AGBL4: variants seen among roughly 807,000 people sequenced by gnomAD.
AGBL4 encodes the protein AGBL carboxypeptidase 4, also known as cytosolic carboxypeptidase 6.
In AGBL4, 58 loss-of-function variants were observed where a neutral mutation model predicts 66.4. That is an observed-to-expected ratio of 0.87 (90% CI 0.71 to 1.09). AGBL4 has a LOEUF of 1.09. Ranked by LOEUF, AGBL4 falls within the 50% of genes least tolerant of loss-of-function variation. The probability of loss-of-function intolerance (pLI) is 0.00; values close to 1 mark genes in which losing one functional copy is unlikely to be tolerated. For synonymous variants in AGBL4, 234 were observed against 222.9 expected (o/e 1.05, Z -0.44); for missense variants, 579 against 631.0 (o/e 0.92, Z 0.88).
At chr1:48,592,788 GC>G (rs1186092852) in intron 9 of AGBL4, among the ~76,000 whole-genome samples, 1 of 152,104 alleles carries the variant, frequency 6.6e-6, no homozygotes, top group Non-Finnish European at 1.5e-5. Context: ...GAGGTTGCTT[GC>G]TTAAGGTTGG....
At chr1:49,950,965 A>G (rs558054700) in intron 1 of AGBL4, among the ~76,000 whole-genome samples, 1 of 152,010 alleles carries the variant, frequency 6.6e-6, no homozygotes, top group South Asian at 2.1e-4. Context: ...CATTATGATA[A>G]ATGGAATAAG....
chr1:48,661,808 T>G (rs538987005), intron 7 of AGBL4, among the ~76,000 whole-genome samples: 2 of 152,140 alleles, frequency 1.3e-5, no homozygotes, highest in Non-Finnish European at 2.9e-5. Context: ...GACAAAGCAG[T>G]TACATCCAAT....
chr1:48,835,037 A>G (rs1192675571), intron 6 of AGBL4, among the ~76,000 whole-genome samples: 2 of 152,190 alleles, frequency 1.3e-5, no homozygotes, highest in Non-Finnish European at 2.9e-5. Flanking sequence ...ATAGCTGTCT[A>G]TCATAGACCC....
At chr1:49,372,841 C>G (rs1192610276) in intron 3 of AGBL4, among the ~76,000 whole-genome samples, 2 of 151,756 alleles carry the variant, frequency 1.3e-5, no homozygotes, top group African/African-American at 4.8e-5. Flanking sequence ...TCACTGAAGC[C>G]TCAACCTCCT....
At chr1:49,380,009 G>C (rs535714591) in intron 3 of AGBL4, among the ~76,000 whole-genome samples, 98 of 152,152 alleles carry the variant, frequency 6.4e-4, no homozygotes, top group African/African-American at 2.1e-3. Flanking sequence ...AGGGAAATTA[G>C]GCAGGAGAAG....
chr1:49,203,970 C>G (rs1162469158), intron 4 of AGBL4, among the ~76,000 whole-genome samples: 1 of 152,156 alleles, frequency 6.6e-6, no homozygotes, highest in Non-Finnish European at 1.5e-5. Context: ...GAAACACTCA[C>G]TATATGTCAG....
intron 2 of AGBL4, among the ~76,000 whole-genome samples, chr1:49,774,342 G>A (rs1644142419): frequency 6.6e-6 from 1 of 152,170 alleles, no homozygotes; most frequent in East Asian, 1.9e-4. Context: ...GAGGCAGGAT[G>A]ATTTGCTCCA....
intron 3 of AGBL4, among the ~76,000 whole-genome samples, chr1:49,536,135 ACT>A (rs1651563872): frequency 6.6e-6 from 1 of 152,222 alleles, no homozygotes; most frequent in Admixed American, 6.5e-5. Flanking sequence ...GAATATTTCT[ACT>A]CTGAGTTCCT....
intron 1 of AGBL4, among the ~76,000 whole-genome samples, chr1:49,989,788 C>T (rs1450256898): frequency 1.3e-5 from 2 of 152,240 alleles, no homozygotes; most frequent in Non-Finnish European, 1.5e-5. Flanking sequence ...TGCTGAAATG[C>T]TCCAGAAATT....
At chr1:48,627,813 G>A (rs1357469173) in intron 9 of AGBL4, among the ~76,000 whole-genome samples, 3 of 152,084 alleles carry the variant, frequency 2.0e-5, no homozygotes, top group Non-Finnish European at 4.4e-5. Context: ...GCAACTTTGG[G>A]TTCTGAGGGA....
intron 4 of AGBL4, among the ~76,000 whole-genome samples, chr1:49,108,760 C>A (rs561378760): frequency 6.6e-6 from 1 of 152,278 alleles, no homozygotes; most frequent in Admixed American, 6.5e-5. Flanking sequence ...GTGCCACCTG[C>A]CAGCAGGAGA....
intron 6 of AGBL4, among the ~76,000 whole-genome samples, chr1:48,775,150 C>T (rs1645014329): frequency 6.6e-6 from 1 of 152,200 alleles, no homozygotes; most frequent in African/African-American, 2.4e-5. Context: ...CTTCCCCTCC[C>T]TCAGTTTCTT....
At chr1:49,297,432 C>G (rs963849015) in intron 3 of AGBL4, among the ~76,000 whole-genome samples, 4 of 152,114 alleles carry the variant, frequency 2.6e-5, no homozygotes, top group African/African-American at 9.7e-5. Flanking sequence ...TTCAATACAG[C>G]TAGAATGTAG....
At chr1:49,595,493 CT>C (rs35521839) in intron 3 of AGBL4, among the ~76,000 whole-genome samples, 12 of 151,482 alleles carry the variant, frequency 7.9e-5, no homozygotes, top group African/African-American at 1.9e-4. Flanking sequence ...CTACAAAACA[CT>C]TTTTTTTAAG....
intron 4 of AGBL4, among the ~76,000 whole-genome samples, chr1:49,228,400 G>C (rs1650067193): frequency 6.6e-6 from 1 of 152,156 alleles, no homozygotes; most frequent in Non-Finnish European, 1.5e-5. Context: ...AAATAGAGCA[G>C]GGTAAGAGGG....
At chr1:48,776,740 T>C in intron 6 of AGBL4, 1 of 1,527,378 alleles carries the variant, frequency 6.5e-7, no homozygotes, top group Non-Finnish European at 8.8e-7. Context: ...GTTGTCAAAA[T>C]CCAGCCGCGA....
At chr1:48,643,749 A>G (rs1645793743) in intron 8 of AGBL4, among the ~76,000 whole-genome samples, 1 of 151,126 alleles carries the variant, frequency 6.6e-6, no homozygotes, top group Admixed American at 6.6e-5. Flanking sequence ...GAAGGAGATG[A>G]AACTTATCTG....
At chr1:48,880,612 A>G (rs1649684458) in intron 5 of AGBL4, among the ~76,000 whole-genome samples, 1 of 152,166 alleles carries the variant, frequency 6.6e-6, no homozygotes, top group Non-Finnish European at 1.5e-5. Context: ...TGTTCACTGC[A>G]TCCATGCCAA....
chr1:49,603,929 T>C (rs964658016), intron 3 of AGBL4, among the ~76,000 whole-genome samples: 6 of 140,528 alleles, frequency 4.3e-5, no homozygotes, highest in Non-Finnish European at 6.2e-5. Flanking sequence ...TTCCATGGTA[T>C]ACACACACAC....
Sources: gnomAD v4.1 joint callset for allele counts (sites outside exome capture counted in the v4.1 genomes callset) on GRCh38, gnomAD v4.1.1 for gene constraint, MANE v1.5 for transcripts, NCBI Gene and HGNC (gene_info 2026-07-23, HGNC 2026-07-21) for gene names.